Variants in ERG observed in about 807,000 individuals in gnomAD.
ERG encodes ETS transcription factor ERG.
Under a neutral mutation model 55.3 loss-of-function variants are expected in ERG, and 9 were observed. The ratio of observed to expected loss-of-function variants is 0.16; its 90% CI spans 0.10 to 0.28. The LOEUF (loss-of-function observed/expected upper bound fraction) is 0.28, where lower values mean the gene tolerates loss of function less well. ERG is among the 10% of genes least tolerant of loss of function. The probability of loss-of-function intolerance (pLI) is 1.00; values close to 1 mark genes in which losing one functional copy is unlikely to be tolerated. For missense variants in ERG, 434 were observed against 631.6 expected (o/e 0.69, Z 3.35); for synonymous variants, 223 against 237.3 (o/e 0.94, Z 0.55).
chr21:38,380,732 G>A lies in ERG; in HGVS notation c.*2671C>T. On this transcript the variant is annotated 3_prime_UTR_variant, in exon 10 of 10. Transcript: ENST00000288319. ...CCAAAATTATCCCAGTTGCTCATAA[G>A]ACTTGCTAATAACCTGGACTGGGGG... The A allele has an allele frequency of 9.4e-7, 1 of 1,065,054 alleles. No individual in the cohort carries two copies. Among genetic ancestry groups the A allele is most frequent in the Non-Finnish European group, 1.1e-6 (1 of 879,144 alleles). The allele number at this position is 1,065,054 out of a possible 1,614,324, so 66.0% of individuals were successfully genotyped here.
chr21:38,592,399 C>T (rs1351719674), intron 1 of ERG, among the ~76,000 whole-genome samples: 1 of 152,176 alleles, frequency 6.6e-6, no homozygotes, highest in Non-Finnish European at 1.5e-5. Flanking sequence ...TAGCCAGCTG[C>T]TCTCCTAGGC....
intron 1 of ERG, among the ~76,000 whole-genome samples, chr21:38,615,615 G>A (rs2060254453): frequency 1.3e-5 from 2 of 150,406 alleles, no homozygotes; most frequent in African/African-American, 4.9e-5. Flanking sequence ...AAGATTTTGA[G>A]ATGAAGTCTG....
chr21:38,580,284 C>T (rs1257886961), intron 1 of ERG, among the ~76,000 whole-genome samples: 3 of 152,126 alleles, frequency 2.0e-5, no homozygotes, highest in South Asian at 4.1e-4. Flanking sequence ...CATTTGAGTG[C>T]CTGTTCTTTT....
intron 2 of ERG, among the ~76,000 whole-genome samples, chr21:38,504,610 T>C (rs2059446549): frequency 6.6e-6 from 1 of 152,204 alleles, no homozygotes; most frequent in African/African-American, 2.4e-5. Context: ...GCATAGATGC[T>C]ACAGACATCA....
chr21:38,601,336 A>G (rs1440446967), intron 1 of ERG, among the ~76,000 whole-genome samples: 1 of 152,182 alleles, frequency 6.6e-6, no homozygotes, highest in African/African-American at 2.4e-5. Context: ...ACCTAAAGAA[A>G]AGGCAGATCT....
At chr21:38,644,433 T>C (rs2060444025) in intron 1 of ERG, among the ~76,000 whole-genome samples, 1 of 152,236 alleles carries the variant, frequency 6.6e-6, no homozygotes, top group Non-Finnish European at 1.5e-5. Flanking sequence ...GGTTTCCATT[T>C]GGGTGTGATT....
At chr21:38,430,378 T>G (rs977632865) in intron 2 of ERG, among the ~76,000 whole-genome samples, 2 of 152,256 alleles carry the variant, frequency 1.3e-5, no homozygotes, top group Non-Finnish European at 2.9e-5. Context: ...GTTTGCTGAT[T>G]ATTTCTTTTG....
At chr21:38,613,459 G>A (rs73440490) in intron 1 of ERG, among the ~76,000 whole-genome samples, 1 of 152,172 alleles carries the variant, frequency 6.6e-6, no homozygotes, top group African/African-American at 2.4e-5. Flanking sequence ...AAATCATGAC[G>A]TTCTTTTCCT....
intron 2 of ERG, among the ~76,000 whole-genome samples, chr21:38,573,755 G>GAGCGCCAT (rs1277904604): frequency 6.6e-6 from 1 of 152,190 alleles, no homozygotes; most frequent in Non-Finnish European, 1.5e-5. Flanking sequence ...TTGGTATGCT[G>GAGCGCCAT]AGCGCCGGTC....
intron 2 of ERG, among the ~76,000 whole-genome samples, chr21:38,440,369 C>T (rs573724581): frequency 6.6e-6 from 1 of 152,338 alleles, no homozygotes; most frequent in South Asian, 2.1e-4. Flanking sequence ...TCTGTGAGCC[C>T]CTCCGTGGCA....
intron 2 of ERG, among the ~76,000 whole-genome samples, chr21:38,507,226 G>A (rs2059469242): frequency 1.3e-5 from 2 of 152,206 alleles, no homozygotes; most frequent in Non-Finnish European, 2.9e-5. Context: ...ACTGGCGCGC[G>A]CTGGAGGCGG....
intron 1 of ERG, among the ~76,000 whole-genome samples, chr21:38,599,632 G>A (rs530564754): frequency 2.0e-5 from 3 of 152,220 alleles, no homozygotes; most frequent in Non-Finnish European, 2.9e-5. Context: ...AGGCGTTTCC[G>A]ATGCTAACAC....
intron 1 of ERG, among the ~76,000 whole-genome samples, chr21:38,450,569 T>C (rs1441110643): frequency 6.6e-6 from 1 of 152,120 alleles, no homozygotes; most frequent in Non-Finnish European, 1.5e-5. Flanking sequence ...CCCTCACATA[T>C]AACCACGCAG....
intron 2 of ERG, among the ~76,000 whole-genome samples, chr21:38,516,321 A>G (rs1027272126): frequency 6.6e-6 from 1 of 151,958 alleles, no homozygotes; most frequent in African/African-American, 2.4e-5. Flanking sequence ...TATATACCCA[A>G]TAATGCACTG....
chr21:38,393,402 A>G (rs1446418798), intron 6 of ERG, among the ~76,000 whole-genome samples: 1 of 152,202 alleles, frequency 6.6e-6, no homozygotes, highest in Non-Finnish European at 1.5e-5. Context: ...ATGCAATCTT[A>G]TTACATAACT....
chr21:38,492,614 A>G (rs888903086), intron 1 of ERG, among the ~76,000 whole-genome samples: 5 of 152,232 alleles, frequency 3.3e-5, no homozygotes, highest in Admixed American at 6.5e-5. Context: ...AGCTTCTGCG[A>G]TATCAGTGGG....
In ERG at chr21:38,382,982, A is replaced by C; in HGVS notation, c.*421T>G. On this transcript the variant is annotated 3_prime_UTR_variant, in exon 10 of 10. Transcript: ENST00000288319. ...TTTTTAAATACAGGTAGTTTTCCTTAAAATGGCATTATAAACGGTATGTTA... is the reference window on the plus strand; with the variant it reads ...TTTTTAAATACAGGTAGTTTTCCTTCAAATGGCATTATAAACGGTATGTTA... 2 of 1,070,974 alleles carry C rather than the reference A, an allele frequency of 1.9e-6. No homozygotes were observed. The highest frequency in any genetic ancestry group is 2.3e-6 in the Non-Finnish European group (2 of 883,198). The allele number at this position is 1,070,974 out of a possible 1,614,324, so 66.3% of individuals were successfully genotyped here.
chr21:38,465,401 G>A (rs954906325), intron 1 of ERG, among the ~76,000 whole-genome samples: 21 of 152,188 alleles, frequency 1.4e-4, no homozygotes, highest in African/African-American at 4.8e-4. Flanking sequence ...AGATTAGAGG[G>A]AGGGAGGGGT....
At chr21:38,450,137 A>G (rs1459782190) in intron 1 of ERG, among the ~76,000 whole-genome samples, 1 of 152,020 alleles carries the variant, frequency 6.6e-6, no homozygotes, top group Non-Finnish European at 1.5e-5. Context: ...CACCCCTGTA[A>G]TCCAAGCACT....
Sources: allele counts gnomAD v4.1 joint callset (sites outside exome capture counted in the v4.1 genomes callset), GRCh38; gene constraint gnomAD v4.1.1; transcripts MANE v1.5; gene names NCBI Gene and HGNC (gene_info 2026-07-23, HGNC 2026-07-21).